Variants in CA10 observed in about 807,000 individuals in gnomAD.
CA10 encodes carbonic anhydrase-related protein 10.
A neutral mutation model predicts 44.2 loss-of-function variants in CA10; 14 were observed. The observed-to-expected ratio is 0.32, with a 90% confidence interval of 0.21 to 0.50. CA10 has a LOEUF of 0.50. CA10 is among the 20% of genes least tolerant of loss of function. The probability of loss-of-function intolerance (pLI) is 0.99; values close to 1 mark genes in which losing one functional copy is unlikely to be tolerated. For missense variants in CA10, 350 were observed against 409.7 expected (o/e 0.85, Z 1.26); for synonymous variants, 159 against 141.6 (o/e 1.12, Z -0.87).
chr17:52,125,028 A>C (rs965260300), intron 1 of CA10, among the ~76,000 whole-genome samples: 1 of 152,140 alleles, frequency 6.6e-6, no homozygotes, highest in African/African-American at 2.4e-5. Flanking sequence ...TTTCACATAC[A>C]CATCACTGTC....
intron 1 of CA10, among the ~76,000 whole-genome samples, chr17:52,129,512 A>G (rs1989187012): frequency 6.6e-6 from 1 of 152,230 alleles, no homozygotes; most frequent in South Asian, 2.1e-4. Flanking sequence ...GATCACATGG[A>G]TATACTATGT....
At chr17:51,797,361 T>C (rs1442624435) in intron 3 of CA10, among the ~76,000 whole-genome samples, 1 of 152,158 alleles carries the variant, frequency 6.6e-6, no homozygotes. Flanking sequence ...CACGCACGCG[T>C]GCACGCACAC....
chr17:51,820,978 G>C (rs1403369100), intron 3 of CA10, among the ~76,000 whole-genome samples: 1 of 151,110 alleles, frequency 6.6e-6, no homozygotes, highest in Non-Finnish European at 1.5e-5. Context: ...AAGAGCTGTA[G>C]CTGATTAATT....
chr17:51,980,476 C>G (rs1231316526), intron 2 of CA10, among the ~76,000 whole-genome samples: 1 of 152,038 alleles, frequency 6.6e-6, no homozygotes, highest in Admixed American at 6.6e-5. Context: ...TGTAGGTTGT[C>G]TATTTACTGA....
intron 2 of CA10, among the ~76,000 whole-genome samples, chr17:52,024,240 T>C (rs956484673): frequency 5.9e-5 from 9 of 152,122 alleles, no homozygotes; most frequent in African/African-American, 1.4e-4. Context: ...ACATCCCCGT[T>C]TGAGGTGATA....
At chr17:51,829,630 C>T (rs1908156856) in intron 3 of CA10, among the ~76,000 whole-genome samples, 1 of 152,084 alleles carries the variant, frequency 6.6e-6, no homozygotes, top group Admixed American at 6.6e-5. Context: ...TAGTATATGC[C>T]AGGCATGTGC....
Position 51,895,768 on chromosome 17 carries a change from C to G in CA10, c.279+35222G>C, listed in dbSNP as rs574905393. 7.9e-5 allele frequency among the ~76,000 whole-genome samples: 12 copies of G among 151,976 alleles called. No individual in the cohort carries two copies. In the South Asian group the frequency reaches 2.5e-3, roughly 32 times the overall value. On this transcript the variant is annotated intron_variant, in intron 3 of 8. Coordinates refer to ENST00000451037, the MANE Select transcript of CA10 (RefSeq NM_020178.5). ...TGATACAACCTGTATTTTGTTTAAG[C>G]GAGATTGTTGTAGACACTGCTTTAT...
At chr17:51,797,339 C>T (rs1433627162) in intron 3 of CA10, among the ~76,000 whole-genome samples, 1 of 152,230 alleles carries the variant, frequency 6.6e-6, no homozygotes, top group Non-Finnish European at 1.5e-5. Flanking sequence ...AGCACGCAGG[C>T]GCATGCGCGC....
intron 2 of CA10, among the ~76,000 whole-genome samples, chr17:52,060,856 T>C (rs913002962): frequency 6.6e-6 from 1 of 152,180 alleles, no homozygotes; most frequent in Non-Finnish European, 1.5e-5. Flanking sequence ...TGCTTCTACG[T>C]TGACCTGCAT....
chr17:51,804,281 A>T (rs1212554161), intron 3 of CA10, among the ~76,000 whole-genome samples: 1 of 152,242 alleles, frequency 6.6e-6, no homozygotes, highest in Non-Finnish European at 1.5e-5. Flanking sequence ...AACACCTGCC[A>T]CACAAAATTA....
intron 3 of CA10, among the ~76,000 whole-genome samples, chr17:51,857,882 T>C (rs1280917684): frequency 6.6e-6 from 1 of 152,180 alleles, no homozygotes; most frequent in African/African-American, 2.4e-5. Context: ...TAGAAAACAC[T>C]CATTTTTAGC....
chr17:51,833,867 T>C (rs1235478618), intron 3 of CA10, among the ~76,000 whole-genome samples: 1 of 152,250 alleles, frequency 6.6e-6, no homozygotes, highest in Non-Finnish European at 1.5e-5. Flanking sequence ...CTGATGATTT[T>C]ATCTTTTTAT....
chr17:52,146,549 C>A (rs889849931), intron 1 of CA10, among the ~76,000 whole-genome samples: 24 of 151,716 alleles, frequency 1.6e-4, no homozygotes, highest in African/African-American at 5.8e-4. Context: ...AATCAGCCGG[C>A]CGTGGTGGCG....
At chr17:51,673,875 C>T (rs1265831270) in intron 4 of CA10, among the ~76,000 whole-genome samples, 2 of 152,252 alleles carry the variant, frequency 1.3e-5, no homozygotes, top group Non-Finnish European at 2.9e-5. Flanking sequence ...CCTGCCCAGC[C>T]CACATAAGCC....
intron 2 of CA10, among the ~76,000 whole-genome samples, chr17:52,032,081 C>G (rs1330603728): frequency 6.6e-6 from 1 of 152,132 alleles, no homozygotes; most frequent in Non-Finnish European, 1.5e-5. Context: ...GAGGTCATAT[C>G]AATGCACAAA....
intron 3 of CA10, among the ~76,000 whole-genome samples, chr17:51,757,828 T>C (rs1598030163): frequency 6.6e-6 from 1 of 152,262 alleles, no homozygotes; most frequent in East Asian, 1.9e-4. Context: ...AAGAGCATGG[T>C]GGCAGAGGGT....
intron 2 of CA10, among the ~76,000 whole-genome samples, chr17:52,059,759 GGA>G (rs779165111): frequency 6.6e-6 from 1 of 152,122 alleles, no homozygotes; most frequent in Non-Finnish European, 1.5e-5. Context: ...TACCTCCAAT[GGA>G]GAGAGTTATT....
At chr17:52,073,844 A>G (rs898800496) in intron 1 of CA10, among the ~76,000 whole-genome samples, 1 of 152,186 alleles carries the variant, frequency 6.6e-6, no homozygotes, top group African/African-American at 2.4e-5. Flanking sequence ...CCAACCAGGG[A>G]GTCAGGCGGA....
At chr17:51,908,875 T>C (rs1231029026) in intron 3 of CA10, among the ~76,000 whole-genome samples, 1 of 152,138 alleles carries the variant, frequency 6.6e-6, no homozygotes, top group Non-Finnish European at 1.5e-5. Flanking sequence ...GTAACATCTG[T>C]CCAAATGCAG....
Sources: allele counts gnomAD v4.1 joint callset (sites outside exome capture counted in the v4.1 genomes callset), GRCh38; gene constraint gnomAD v4.1.1; transcripts MANE v1.5; gene names NCBI Gene and HGNC (gene_info 2026-07-23, HGNC 2026-07-21).